Variants in UIMC1 observed in about 807,000 individuals in gnomAD.
UIMC1 encodes BRCA1-A complex subunit RAP80.
Under a neutral mutation model 84.9 loss-of-function variants are expected in UIMC1, and 42 were observed. The ratio of observed to expected loss-of-function variants is 0.49; its 90% CI spans 0.39 to 0.64. The LOEUF (loss-of-function observed/expected upper bound fraction) is 0.64, where lower values mean the gene tolerates loss of function less well. UIMC1 is among the 30% of genes least tolerant of loss of function. UIMC1 has a pLI of 0.00. For missense variants in UIMC1, 825 were observed against 847.6 expected, an observed-to-expected ratio of 0.97 and a Z score of 0.33; for synonymous variants, 281 against 293.0, an observed-to-expected ratio of 0.96 and a Z score of 0.42.
At chr5:176,973,294 AAAAAT>A (rs1272563636) in intron 3 of UIMC1, among the ~76,000 whole-genome samples, 9 of 152,192 alleles carry the variant, frequency 5.9e-5, no homozygotes, top group African/African-American at 1.9e-4. Flanking sequence ...TCTTGGAGGC[AAAAAT>A]AAAATAAAAT....
intron 10 of UIMC1, among the ~76,000 whole-genome samples, chr5:176,915,304 A>G (rs1205141049): frequency 6.6e-6 from 1 of 151,022 alleles, no homozygotes; most frequent in African/African-American, 2.4e-5. Flanking sequence ...ATGCTAATAA[A>G]TACTTGCTGA....
At chr5:176,916,602 C>T (rs1294065367) in intron 10 of UIMC1, among the ~76,000 whole-genome samples, 1 of 152,180 alleles carries the variant, frequency 6.6e-6, no homozygotes, top group Admixed American at 6.5e-5. Flanking sequence ...GTTTTGCTAA[C>T]AATCATATCA....
intron 2 of UIMC1, chr5:176,980,306 G>GTCCGTCCATCCGTCCA (rs879280379): frequency 6.6e-6 from 1 of 151,194 alleles, no homozygotes; most frequent in Non-Finnish European, 1.5e-5. Flanking sequence ...CCGTCCTTCT[G>GTCCGTCCATCCGTCCA]TCCGTCCATC....
rs185297500 is a variant in UIMC1 at position 176,984,590 on chromosome 5, C to T, written c.-8-1967G>A. Among the ~76,000 whole-genome samples, 1,385 of 151,372 alleles carry T rather than the reference C, an allele frequency of 9.1e-3. 8 individuals carry two copies. The highest frequency in any genetic ancestry group is 0.025 in the South Asian group (117 of 4,732). On this transcript the variant is annotated intron_variant, in intron 1 of 14. Coordinates refer to ENST00000511320, the MANE Select transcript of UIMC1 (RefSeq NM_001199298.2). ...ATCTGGGAGGTGTACCCAACAGCTC[C>T]GAAGAGACAGCGACCAACGAGAACA...
chr5:177,012,496 C>A (rs1200196060), intron 1 of UIMC1, among the ~76,000 whole-genome samples: 2 of 152,108 alleles, frequency 1.3e-5, no homozygotes, highest in African/African-American at 4.8e-5. Flanking sequence ...GGTTCGTGAC[C>A]AGCCTGGCCA....
chr5:177,008,702 C>G (rs562358009), upstream of UIMC1, among the ~76,000 whole-genome samples: 82 of 152,286 alleles, frequency 5.4e-4, no homozygotes, highest in African/African-American at 1.8e-3. Context: ...GGCAACCACA[C>G]TCTTGTGTAA....
At chr5:176,911,416 T>TAC (rs1215443886) in intron 10 of UIMC1, 27 bp from the exon 11 acceptor site, 5 of 1,411,428 alleles carry the variant, frequency 3.5e-6, no homozygotes, top group Non-Finnish European at 4.7e-6. Flanking sequence ...TATATATATA[T>TAC]ACACATAGTT....
intron 10 of UIMC1, among the ~76,000 whole-genome samples, chr5:176,922,167 G>C (rs1001229613): frequency 6.6e-6 from 1 of 152,080 alleles, no homozygotes; most frequent in Non-Finnish European, 1.5e-5. Flanking sequence ...TTCTTAAATT[G>C]TATTTATTAT....
At chr5:176,974,757 G>A (rs1479500993) in intron 3 of UIMC1, among the ~76,000 whole-genome samples, 4 of 151,888 alleles carry the variant, frequency 2.6e-5, no homozygotes, top group African/African-American at 9.7e-5. Flanking sequence ...AGGTTGCAGT[G>A]AGCCAAGATC....
chr5:176,943,400 C>T lies in UIMC1; in HGVS notation c.1532G>A (p.Cys511Tyr), dbSNP rs1220890060. ...TCGTTCAATCTTTGTGGGTGGAAAG[C>T]ATTGGTCACATAGCGGGCAGGATAC... ...NQVSCPLCDQ[C>Y]FPPTKIERHA... The change falls in exon 10 of 15, where the codon TGC becomes TAC. Residue 511 changes from cysteine to tyrosine, a missense_variant. Coordinates refer to ENST00000511320, the MANE Select transcript of UIMC1 (RefSeq NM_001199298.2). 2 of 1,614,160 alleles carry T rather than the reference C, an allele frequency of 1.2e-6. No homozygotes were observed. Among genetic ancestry groups the T allele is most frequent in the Non-Finnish European group, 1.7e-6 (2 of 1,180,030 alleles).
At chr5:177,006,499 G>T (rs959421377) in intron 1 of UIMC1, 151 bp downstream of exon 1, 2 of 152,218 alleles carry the variant, frequency 1.3e-5, no homozygotes, top group African/African-American at 4.8e-5. Flanking sequence ...GACACACCCC[G>T]GCATCAGGAA....
chr5:177,020,455 G>A (rs1775764104), intron 1 of UIMC1, among the ~76,000 whole-genome samples: 3 of 152,102 alleles, frequency 2.0e-5, no homozygotes, highest in Non-Finnish European at 4.4e-5. Flanking sequence ...TTTTGAGATG[G>A]AGTCTCGCTC....
At chr5:177,021,629 GC>G (rs1001847977) in intron 1 of UIMC1, among the ~76,000 whole-genome samples, 1 of 152,034 alleles carries the variant, frequency 6.6e-6, no homozygotes, top group African/African-American at 2.4e-5. Context: ...ATTGTACAGG[GC>G]CTTGTTGGTC....
chr5:176,936,681 C>T (rs1437560157), intron 10 of UIMC1, among the ~76,000 whole-genome samples: 1 of 152,194 alleles, frequency 6.6e-6, no homozygotes. Flanking sequence ...AACCTGTTCA[C>T]ACCTCAGGGT....
intron 1 of UIMC1, among the ~76,000 whole-genome samples, chr5:177,003,047 C>T (rs1359077028): frequency 1.3e-5 from 2 of 151,828 alleles, no homozygotes; most frequent in Non-Finnish European, 2.9e-5. Context: ...ATAAAGAGCA[C>T]AAAGTGTATA....
In UIMC1 at chr5:176,931,995, A is replaced by C. The variant is rs144939191; in HGVS notation, c.1597+11340T>G. Among the ~76,000 whole-genome samples the C allele has an allele frequency of 2.6e-5, 4 of 152,270 alleles. No individual in the cohort carries two copies. The South Asian group carries it at 8.3e-4, about 32-fold the overall frequency. ...CTCTAAAAAACAAACAAACAAACAA[A>C]AAAAGAAGACAACTGAGACCACAGG... On this transcript the variant is annotated intron_variant, in intron 10 of 14. Transcript: ENST00000511320.
At chr5:176,997,700 A>C (rs1211495149) in intron 1 of UIMC1, among the ~76,000 whole-genome samples, 1 of 146,892 alleles carries the variant, frequency 6.8e-6, no homozygotes, top group African/African-American at 2.7e-5. Flanking sequence ...AAAAAAAAAA[A>C]AAAAACCCAT....
At chr5:177,013,403 A>ACACACACAC (rs1561942062) in intron 1 of UIMC1, among the ~76,000 whole-genome samples, 2 of 115,274 alleles carry the variant, frequency 1.7e-5, no homozygotes, top group Non-Finnish European at 1.9e-5. Flanking sequence ...CACACACACA[A>ACACACACAC]AGATACTTTC....
At chr5:176,989,377 T>G (rs1009476165) in intron 1 of UIMC1, among the ~76,000 whole-genome samples, 1 of 152,126 alleles carries the variant, frequency 6.6e-6, no homozygotes, top group African/African-American at 2.4e-5. Flanking sequence ...ATGAAAAAAT[T>G]AGCCAGGCGC....
Sources: gnomAD v4.1 joint callset for allele counts (sites outside exome capture counted in the v4.1 genomes callset) on GRCh38, gnomAD v4.1.1 for gene constraint, MANE v1.5 for transcripts, NCBI Gene and HGNC (gene_info 2026-07-23, HGNC 2026-07-21) for gene names.